CHD1: variants seen among roughly 807,000 people sequenced by gnomAD.
The protein encoded by CHD1 is ATP-dependent chromatin remodeler CHD1.
In CHD1, 36 loss-of-function variants were observed where a neutral mutation model predicts 224.2. The ratio of observed to expected loss-of-function variants is 0.16; its 90% CI spans 0.12 to 0.21. CHD1 has a LOEUF of 0.21. CHD1 is among the 10% of genes least tolerant of loss of function. The pLI is 1.00. For missense variants in CHD1, 1,378 were observed against 1,994.8 expected (o/e 0.69, Z 5.89); for synonymous variants, 668 against 658.3 (o/e 1.01, Z -0.23).
At chr5:98,900,705 G>GCC (rs55979710) in intron 7 of CHD1, 106 bp downstream of exon 7, 126 of 970,552 alleles carry the variant, frequency 1.3e-4, no homozygotes, top group Non-Finnish European at 3.8e-5. Context: ...ATCGGCCTCG[G>GCC]CCCCCCAAAG....
chr5:98,875,604 T>C (rs1749690772), intron 24 of CHD1, among the ~76,000 whole-genome samples: 1 of 152,150 alleles, frequency 6.6e-6, no homozygotes, highest in Non-Finnish European at 1.5e-5. Context: ...CCAGGTAAAG[T>C]AGAAGTCGAA....
At chr5:98,877,102 A>C (rs983680117) in intron 23 of CHD1, among the ~76,000 whole-genome samples, 1 of 152,180 alleles carries the variant, frequency 6.6e-6, no homozygotes, top group South Asian at 2.1e-4. Context: ...GACCCCAGGA[A>C]GCTGAGGCTG....
intron 2 of CHD1, among the ~76,000 whole-genome samples, chr5:98,909,257 C>G (rs1279966257): frequency 6.6e-6 from 1 of 152,126 alleles, no homozygotes; most frequent in Non-Finnish European, 1.5e-5. Context: ...GCTAAGCGCA[C>G]CCTTGTGTTA....
chr5:98,863,485 A>G lies in CHD1; in HGVS notation c.4350T>C (p.Cys1450=). The G allele has an allele frequency of 1.2e-6, 2 of 1,608,540 alleles. No individual in the cohort carries two copies. Among genetic ancestry groups the G allele is most frequent in the African/African-American group, 2.7e-5 (2 of 74,648 alleles). Reference sequence around the variant, plus strand: ...TGATATGGTCTCCAATTTTTATTAAACATTGTCTAGTATGCTCTAGTTGTT... The same window carrying G: ...TGATATGGTCTCCAATTTTTATTAAGCATTGTCTAGTATGCTCTAGTTGTT... The part of the protein sequence containing the change: ...EREQLEHTRQ[C]LIKIGDHITE... The change falls in exon 32 of 36, where the codon TGT becomes TGC. Residue 1450 remains cysteine (C), a synonymous_variant. Transcript: ENST00000614616.
chr5:98,869,112 C>G, intron 30 of CHD1: 3 of 930,306 alleles, frequency 3.2e-6, no homozygotes, highest in Non-Finnish European at 3.8e-6. Context: ...TTCTTATCCT[C>G]TTTTTCTTTT....
At chr5:98,867,019 T>C (rs1335565493) in intron 31 of CHD1, among the ~76,000 whole-genome samples, 5 of 152,176 alleles carry the variant, frequency 3.3e-5, no homozygotes, top group Non-Finnish European at 7.4e-5. Flanking sequence ...AAACTTTACA[T>C]GTACCAATTC....
At chr5:98,881,010 A>G (rs1750135019) in intron 22 of CHD1, 66 bp downstream of exon 22, 2 of 908,004 alleles carry the variant, frequency 2.2e-6, no homozygotes, top group Non-Finnish European at 3.6e-6. Context: ...TTAACAAACC[A>G]CTAAATGACA....
intron 2 of CHD1, among the ~76,000 whole-genome samples, chr5:98,916,486 G>A (rs1477723456): frequency 6.7e-6 from 1 of 148,278 alleles, no homozygotes; most frequent in Non-Finnish European, 1.5e-5. Flanking sequence ...CAGAGGTTGT[G>A]GTGAGCCGAG....
chr5:98,924,593 C>T (rs944738184), intron 2 of CHD1, among the ~76,000 whole-genome samples: 4 of 152,170 alleles, frequency 2.6e-5, no homozygotes, highest in African/African-American at 4.8e-5. Context: ...CATAACTGTT[C>T]CTTATTTTAT....
intron 2 of CHD1, among the ~76,000 whole-genome samples, chr5:98,908,455 T>C (rs1752189920): frequency 6.6e-6 from 1 of 152,156 alleles, no homozygotes; most frequent in South Asian, 2.1e-4. Context: ...GACCTTATGT[T>C]CCTTGAGCGC....
At chr5:98,883,063 T>G in intron 19 of CHD1, 25 bp downstream of exon 19, 1 of 1,321,698 alleles carries the variant, frequency 7.6e-7, no homozygotes, top group Non-Finnish European at 1.0e-6. Context: ...AACAGCAATA[T>G]AATATAAATT....
intron 22 of CHD1, among the ~76,000 whole-genome samples, chr5:98,880,367 C>G (rs1407972190): frequency 6.6e-6 from 1 of 152,192 alleles, no homozygotes; most frequent in Non-Finnish European, 1.5e-5. Context: ...TCACTACAGT[C>G]AATCAACCAC....
chr5:98,876,056 A>C (rs1344963363), intron 24 of CHD1, among the ~76,000 whole-genome samples: 1 of 151,828 alleles, frequency 6.6e-6, no homozygotes, highest in African/African-American at 2.4e-5. Context: ...ACAAAAAATT[A>C]GTAACTTTGG....
intron 18 of CHD1, 69 bp from the exon 19 acceptor site, chr5:98,883,306 C>A: frequency 9.8e-7 from 1 of 1,023,326 alleles, no homozygotes; most frequent in Non-Finnish European, 1.4e-6. Context: ...CAGTATGGTA[C>A]TAATTAAACA....
intron 7 of CHD1, 121 bp from the exon 8 acceptor site, chr5:98,899,826 G>A (rs1184940707): frequency 9.4e-6 from 6 of 638,544 alleles, no homozygotes; most frequent in East Asian, 2.8e-5. Context: ...AGTATTGGGG[G>A]TATAGAAACT....
chr5:98,916,561 A>AG (rs1752750204), intron 2 of CHD1, among the ~76,000 whole-genome samples: 1 of 151,566 alleles, frequency 6.6e-6, no homozygotes, highest in East Asian at 1.9e-4. Flanking sequence ...AAAAAAAAAA[A>AG]AAAAAAAAAG....
intron 2 of CHD1, among the ~76,000 whole-genome samples, chr5:98,925,897 C>T (rs1220321389): frequency 1.3e-5 from 2 of 150,702 alleles, no homozygotes; most frequent in Non-Finnish European, 3.0e-5. Context: ...TAATTGAGTT[C>T]AAATAGCCAC....
rs7732494 is a variant in CHD1, at chr5:98,878,734, C to T, written c.3237+818G>A. Reference sequence around the variant, plus strand: ...TTGAAAAATTTCCTAAATATCTGAACATTTTAAAACATACTTCTAAAAAAA... The same window carrying T: ...TTGAAAAATTTCCTAAATATCTGAATATTTTAAAACATACTTCTAAAAAAA... On this transcript the variant is annotated intron_variant, in intron 23 of 35. Coordinates refer to ENST00000614616, the MANE Select transcript of CHD1 (RefSeq NM_001270.4). Among the ~76,000 whole-genome samples the T allele has an allele frequency of 5.2e-3, 785 of 152,126 alleles. 9 individuals are homozygous for T. The highest frequency in any genetic ancestry group is 0.018 in the African/African-American group (755 of 41,512).
chr5:98,882,155 A>G (rs761249760), intron 19 of CHD1, 32 bp from the exon 20 acceptor site: 1 of 1,588,676 alleles, frequency 6.3e-7, no homozygotes, highest in Non-Finnish European at 8.6e-7. Context: ...AACAAATTGC[A>G]GTATAAAGGA....
Sources: gnomAD v4.1 joint callset for allele counts (sites outside exome capture counted in the v4.1 genomes callset) on GRCh38, gnomAD v4.1.1 for gene constraint, MANE v1.5 for transcripts, NCBI Gene and HGNC (gene_info 2026-07-23, HGNC 2026-07-21) for gene names.